Variants in MAP9 observed in about 807,000 individuals in gnomAD.
MAP9 encodes the protein microtubule-associated protein 9.
In MAP9, 80 loss-of-function variants were observed where a neutral mutation model predicts 75.2. That is an observed-to-expected ratio of 1.06 (90% CI 0.89 to 1.28). The LOEUF is 1.28. Ranked by LOEUF, MAP9 falls within the 50% of genes most tolerant of loss-of-function variation. The probability of loss-of-function intolerance (pLI) is 0.00; values close to 1 mark genes in which losing one functional copy is unlikely to be tolerated. For missense variants in MAP9, 753 were observed against 719.9 expected, an observed-to-expected ratio of 1.05 and a Z score of -0.53; for synonymous variants, 235 against 237.3, an observed-to-expected ratio of 0.99 and a Z score of 0.09.
In MAP9 at chr4:155,360,217, G is replaced by C. The variant is rs759829694; in HGVS notation, c.1001C>G (p.Ser334Cys). The stretch of plus-strand genomic sequence containing the variant: ...AGATATTAAGATACTCTGAGATTTA[G>C]ATAGTAGTGGATCAACTGTTCTGTC... ...DDDRTVDPLL[S>C]KSQSILISTS... The change falls in exon 7 of 14, where the codon TCT (serine) becomes TGT (cysteine). Residue 334 changes from serine (S) to cysteine (C), a missense_variant. Physicochemically the swap from Ser to Cys is moderately radical, Grantham distance 112. Coordinates refer to ENST00000311277, the MANE Select transcript of MAP9 (RefSeq NM_001039580.2). The C allele has an allele frequency of 2.5e-6, 4 of 1,612,486 alleles. No individual in the cohort carries two copies. The highest frequency in any genetic ancestry group is 2.2e-5 in the East Asian group (1 of 44,788).
chr4:155,365,594 C>T (rs1732287455), intron 5 of MAP9, among the ~76,000 whole-genome samples: 1 of 152,012 alleles, frequency 6.6e-6, no homozygotes, highest in Non-Finnish European at 1.5e-5. Context: ...ACAAGATACA[C>T]TAAAGCTGGG....
At chr4:155,368,877 G>T in intron 4 of MAP9, 65 bp from the exon 5 acceptor site, 7 of 1,352,174 alleles carry the variant, frequency 5.2e-6, no homozygotes, top group Non-Finnish European at 7.2e-6. Context: ...TATCTCTCTG[G>T]GTGCTACCAT....
chr4:155,356,059 G>T (rs2111213932), intron 8 of MAP9, among the ~76,000 whole-genome samples, 175 bp from the exon 9 acceptor site: 1 of 152,190 alleles, frequency 6.6e-6, no homozygotes, highest in Middle Eastern at 3.4e-3. Context: ...TCATCCTGTT[G>T]GGCTGTTGAC....
chr4:155,357,997 G>T (rs577813655), intron 7 of MAP9, among the ~76,000 whole-genome samples: 1 of 152,274 alleles, frequency 6.6e-6, no homozygotes, highest in African/African-American at 2.4e-5. Flanking sequence ...GGAGGAAGAC[G>T]TGGTCAGGGA....
At chr4:155,363,656 C>G (rs904914693) in intron 5 of MAP9, among the ~76,000 whole-genome samples, 1 of 152,078 alleles carries the variant, frequency 6.6e-6, no homozygotes, top group Non-Finnish European at 1.5e-5. Flanking sequence ...AACACACATA[C>G]TTTGCAACTG....
At chr4:155,372,446 C>T (rs1732642379) in intron 4 of MAP9, among the ~76,000 whole-genome samples, 1 of 152,110 alleles carries the variant, frequency 6.6e-6, no homozygotes, top group Non-Finnish European at 1.5e-5. Flanking sequence ...GACTTGGTCT[C>T]CGTTTCATTC....
intron 10 of MAP9, chr4:155,354,434 C>G (rs560603184): frequency 4.0e-5 from 6 of 149,260 alleles, no homozygotes; most frequent in African/African-American, 1.5e-4. Flanking sequence ...AAATTGAAGG[C>G]TAACTAGTGT....
intron 8 of MAP9, 35 bp downstream of exon 8, chr4:155,357,414 A>C: frequency 8.0e-7 from 1 of 1,247,368 alleles, no homozygotes; most frequent in South Asian, 1.2e-5. Flanking sequence ...CTAGAATGCA[A>C]GCCCATAAAT....
rs772653643 is a variant in MAP9 at position 155,353,273 on chromosome 4, T to C, written c.1448A>G (p.Glu483Gly). The part of the protein sequence containing the change: ...FEAWKAMKEK[E>G]AKKIAAKKRL... Reference sequence around the variant, plus strand: ...CTTTTTGGCAGCTATTTTCTTTGCTTCCTTTTCTTTCATAGCCTTCCAGGC... The same window carrying C: ...CTTTTTGGCAGCTATTTTCTTTGCTCCCTTTTCTTTCATAGCCTTCCAGGC... The change falls in exon 11 of 14, where the codon GAA becomes GGA. Residue 483 changes from glutamate (E) to glycine (G), a missense_variant. Transcript: ENST00000311277. 12 of 1,609,094 alleles carry C rather than the reference T, an allele frequency of 7.5e-6. No individual in the cohort carries two copies. The highest frequency in any genetic ancestry group is 1.0e-5 in the Non-Finnish European group (12 of 1,178,328).
chr4:155,374,986 G>A lies in MAP9; in HGVS notation c.111C>T (p.Ala37=). 1 of 1,589,674 alleles carries A rather than the reference G, an allele frequency of 6.3e-7. No individual in the cohort carries two copies. Among genetic ancestry groups the A allele is most frequent in the Non-Finnish European group, 8.6e-7 (1 of 1,161,900 alleles). Residue 37 remains alanine (A), a synonymous_variant, in exon 3 of 14, where the codon GCC becomes GCT. Transcript: ENST00000311277. ...CTGAGTATTCAGAACTCCTTTGTCT[G>A]GCTGAGCGAGCTGTAATTGCTCTTA... ...ELIRAITARS[A]RQRSSEYSDD... is the part of the protein sequence containing the mutation.
At chr4:155,353,780 G>A (rs549671626) in intron 10 of MAP9, among the ~76,000 whole-genome samples, 1 of 152,140 alleles carries the variant, frequency 6.6e-6, no homozygotes, top group Non-Finnish European at 1.5e-5. Context: ...GTAAGATGCA[G>A]ATTTTTGGTT....
intron 5 of MAP9, chr4:155,362,368 A>T (rs931026217): frequency 2.7e-6 from 1 of 372,590 alleles, no homozygotes; most frequent in African/African-American, 2.1e-5. Flanking sequence ...TGAAAGAGTT[A>T]TTCAAGTTCT....
chr4:155,364,249 T>G (rs1339049716), intron 5 of MAP9, among the ~76,000 whole-genome samples: 1 of 151,744 alleles, frequency 6.6e-6, no homozygotes, highest in African/African-American at 2.4e-5. Flanking sequence ...CAACCACCAT[T>G]TGAAAACAAA....
At chr4:155,363,486 A>G (rs1732185072) in intron 5 of MAP9, among the ~76,000 whole-genome samples, 1 of 152,152 alleles carries the variant, frequency 6.6e-6, no homozygotes. Context: ...GCAGACAAGG[A>G]CTTTAAAATA....
rs541902933 is a variant in MAP9 at position 155,353,117 on chromosome 4, T to C, written c.1543-60A>G. ...TATTTGAAAATAAATAAAAATATGGTTAATCATTAATTTGGATTTCAAATG... is the reference window on the plus strand; with the variant it reads ...TATTTGAAAATAAATAAAAATATGGCTAATCATTAATTTGGATTTCAAATG... On this transcript the variant is annotated intron_variant, in intron 11 of 13. Transcript: ENST00000311277. The C allele has an allele frequency of 2.4e-4, 372 of 1,538,224 alleles. 2 individuals carry two copies. The highest frequency in any genetic ancestry group is 1.4e-3 in the Middle Eastern group (8 of 5,694).
At position 155,360,313 on chromosome 4, in the gene MAP9, G is replaced by T; in HGVS notation, c.905C>A (p.Ser302Tyr). Residue 302 changes from serine (S) to tyrosine (Y), a missense_variant, in exon 7 of 14, where the codon TCC (serine) becomes TAC (tyrosine). Coordinates refer to ENST00000311277, the MANE Select transcript of MAP9 (RefSeq NM_001039580.2). ...ADHVTTAVEK[S>Y]KESQVTADDL... ...ATCAGCAGTCACTTGACTTTCCTTGGATTTCTCAACTGCAGTAGTCACATG... is the reference window on the plus strand; with the variant it reads ...ATCAGCAGTCACTTGACTTTCCTTGTATTTCTCAACTGCAGTAGTCACATG... 6.2e-7 allele frequency: 1 copy of T among 1,613,036 alleles called. No homozygotes were observed. Among genetic ancestry groups the T allele is most frequent in the South Asian group, 1.1e-5 (1 of 91,046 alleles).
chr4:155,375,501 C>G (rs549714135), intron 2 of MAP9, among the ~76,000 whole-genome samples: 1 of 151,552 alleles, frequency 6.6e-6, no homozygotes, highest in Non-Finnish European at 1.5e-5. Context: ...TATGTTACAA[C>G]AGAAAAAAAA....
chr4:155,368,768 G>A lies in MAP9; in HGVS notation c.526C>T (p.Pro176Ser). The change falls in exon 5 of 14, where the codon CCT (proline) becomes TCT (serine). Residue 176 changes from proline to serine, a missense_variant. Physicochemically the swap from Pro to Ser is moderately conservative, Grantham distance 74. Transcript: ENST00000311277. ...TTTTTCAACATACTCCTTGGCCGAG[G>A]TGATGGTTTAAAGTGATCATCTGTG... ...LDTDDHFKPS[P>S]RPRSMLKKKS... 6.2e-7 allele frequency: 1 copy of A among 1,613,760 alleles called. No individual in the cohort carries two copies. Among genetic ancestry groups the A allele is most frequent in the Non-Finnish European group, 8.5e-7 (1 of 1,179,708 alleles).
intron 9 of MAP9, 133 bp from the exon 10 acceptor site, chr4:155,355,293 A>G: frequency 2.7e-6 from 1 of 363,954 alleles, no homozygotes; most frequent in East Asian, 4.6e-5. Flanking sequence ...AAAAAAGACA[A>G]AAAAAGACTT....
Sources: allele counts gnomAD v4.1 joint callset (sites outside exome capture counted in the v4.1 genomes callset), GRCh38; gene constraint gnomAD v4.1.1; transcripts MANE v1.5; gene names NCBI Gene and HGNC (gene_info 2026-07-23, HGNC 2026-07-21).